CA10: variants seen among roughly 807,000 people sequenced by gnomAD.
The protein encoded by CA10 is carbonic anhydrase 10 (inactive).
CA10 carries 14 observed loss-of-function variants against 44.2 expected under a neutral mutation model. The ratio of observed to expected loss-of-function variants is 0.32; its 90% CI spans 0.21 to 0.50. The LOEUF (loss-of-function observed/expected upper bound fraction) is 0.50, where lower values mean the gene tolerates loss of function less well. Ranked by LOEUF, CA10 falls within the 20% of genes least tolerant of loss-of-function variation. The pLI, the probability that CA10 is intolerant of heterozygous loss-of-function variation, is 0.99. For missense variants in CA10, 350 were observed against 409.7 expected (o/e 0.85, Z 1.26); for synonymous variants, 159 against 141.6 (o/e 1.12, Z -0.87).
At chr17:51,633,036 A>C (rs1912655772) in intron 8 of CA10, among the ~76,000 whole-genome samples, 1 of 152,162 alleles carries the variant, frequency 6.6e-6, no homozygotes, top group South Asian at 2.1e-4. Context: ...AAAAGCTCTA[A>C]TGCTTTTCAC....
At chr17:51,723,393 T>C (rs1286688335) in intron 4 of CA10, among the ~76,000 whole-genome samples, 1 of 152,150 alleles carries the variant, frequency 6.6e-6, no homozygotes, top group African/African-American at 2.4e-5. Flanking sequence ...AAGGATGGAT[T>C]CCGTATGAGA....
intron 2 of CA10, among the ~76,000 whole-genome samples, chr17:52,047,119 A>G (rs944522846): frequency 6.6e-6 from 1 of 152,038 alleles, no homozygotes; most frequent in African/African-American, 2.4e-5. Context: ...AGAATAAATC[A>G]CTATTCAGCA....
chr17:51,859,973 T>C (rs758782859), intron 3 of CA10, among the ~76,000 whole-genome samples: 5 of 152,094 alleles, frequency 3.3e-5, no homozygotes, highest in Non-Finnish European at 7.3e-5. Context: ...GAGAGGTGAG[T>C]GGCTGTTTGT....
chr17:51,844,351 T>C (rs540443965), intron 3 of CA10, among the ~76,000 whole-genome samples: 1 of 152,280 alleles, frequency 6.6e-6, no homozygotes, highest in African/African-American at 2.4e-5. Flanking sequence ...ATTAGAAAAA[T>C]TGTAACAAAA....
chr17:51,970,292 A>G (rs1438014082), intron 2 of CA10, among the ~76,000 whole-genome samples: 1 of 152,026 alleles, frequency 6.6e-6, no homozygotes, highest in Non-Finnish European at 1.5e-5. Flanking sequence ...TTAAAAATAT[A>G]TATGAAAAAC....
At chr17:51,760,685 C>T (rs964006438) in intron 3 of CA10, among the ~76,000 whole-genome samples, 2 of 152,154 alleles carry the variant, frequency 1.3e-5, no homozygotes, top group African/African-American at 2.4e-5. Flanking sequence ...ACTCTGTAGA[C>T]AATCACATCT....
At chr17:52,040,225 A>ACATGGGC (rs944986124) in intron 2 of CA10, among the ~76,000 whole-genome samples, 3 of 151,088 alleles carry the variant, frequency 2.0e-5, no homozygotes, top group Non-Finnish European at 4.4e-5. Context: ...TGGAGGAAAG[A>ACATGGGC]CATGGGCTCT....
chr17:51,935,716 C>T (rs1255084959), intron 2 of CA10, among the ~76,000 whole-genome samples: 1 of 152,156 alleles, frequency 6.6e-6, no homozygotes, highest in African/African-American at 2.4e-5. Flanking sequence ...GTGATTTCAA[C>T]TGCTTAAATC....
intron 5 of CA10, among the ~76,000 whole-genome samples, chr17:51,652,942 T>TA (rs1191258195): frequency 6.6e-6 from 1 of 152,240 alleles, no homozygotes; most frequent in African/African-American, 2.4e-5. Context: ...TTTCTTTTTT[T>TA]ATTAAAAAAT....
At chr17:51,646,902 C>T (rs936135386) in intron 6 of CA10, among the ~76,000 whole-genome samples, 1 of 152,188 alleles carries the variant, frequency 6.6e-6, no homozygotes, top group Non-Finnish European at 1.5e-5. Context: ...ACAGAGGACA[C>T]CTCAATTACT....
At chr17:51,786,694 T>C (rs1448135915) in intron 3 of CA10, among the ~76,000 whole-genome samples, 2 of 152,194 alleles carry the variant, frequency 1.3e-5, no homozygotes, top group African/African-American at 4.8e-5. Flanking sequence ...AGTAAAAACA[T>C]TGAGTACTAA....
intron 1 of CA10, among the ~76,000 whole-genome samples, chr17:52,099,952 G>A (rs1567733200): frequency 6.6e-6 from 1 of 152,218 alleles, no homozygotes; most frequent in African/African-American, 2.4e-5. Flanking sequence ...TGACCTTGAT[G>A]ATAGTGGCCC....
chr17:51,971,413 T>G (rs1049680752), intron 2 of CA10, among the ~76,000 whole-genome samples: 1 of 152,156 alleles, frequency 6.6e-6, no homozygotes, highest in African/African-American at 2.4e-5. Flanking sequence ...AAATCAAAAC[T>G]ACATCTGTGT....
chr17:51,823,698 C>T (rs1907902568), intron 3 of CA10, among the ~76,000 whole-genome samples: 1 of 152,160 alleles, frequency 6.6e-6, no homozygotes, highest in Non-Finnish European at 1.5e-5. Flanking sequence ...AGTTAGTGCT[C>T]TTAGTGGTAG....
chr17:51,818,559 C>T (rs536367906), intron 3 of CA10, among the ~76,000 whole-genome samples: 1 of 152,268 alleles, frequency 6.6e-6, no homozygotes, highest in South Asian at 2.1e-4. Flanking sequence ...GAACTCTGAT[C>T]CTTGGTTCCT....
At chr17:51,798,607 G>A (rs1255601533) in intron 3 of CA10, among the ~76,000 whole-genome samples, 1 of 152,178 alleles carries the variant, frequency 6.6e-6, no homozygotes, top group Non-Finnish European at 1.5e-5. Context: ...TGTCAAGATA[G>A]AAAACACGAT....
chr17:51,813,296 G>A (rs541548216), intron 3 of CA10, among the ~76,000 whole-genome samples: 1 of 152,200 alleles, frequency 6.6e-6, no homozygotes, highest in Non-Finnish European at 1.5e-5. Context: ...CATTATATCA[G>A]AACGTGGAGC....
chr17:51,970,643 A>G (rs921397106), intron 2 of CA10, among the ~76,000 whole-genome samples: 9 of 152,122 alleles, frequency 5.9e-5, no homozygotes, highest in African/African-American at 2.2e-4. Context: ...CATGATATGC[A>G]TTAATCCTTT....
chr17:52,139,281 T>C (rs1407072185), intron 1 of CA10, among the ~76,000 whole-genome samples: 1 of 152,216 alleles, frequency 6.6e-6, no homozygotes, highest in Non-Finnish European at 1.5e-5. Context: ...AAGCACTTTA[T>C]GGCCTTTAGT....
Sources: allele counts gnomAD v4.1 joint callset (sites outside exome capture counted in the v4.1 genomes callset), GRCh38; gene constraint gnomAD v4.1.1; transcripts MANE v1.5; gene names NCBI Gene and HGNC (gene_info 2026-07-23, HGNC 2026-07-21).